APOA5: variants seen among roughly 807,000 people sequenced by gnomAD.
APOA5 encodes the protein apolipoprotein A-V.
A neutral mutation model predicts 31.8 loss-of-function variants in APOA5; 26 were observed. The ratio of observed to expected loss-of-function variants is 0.82; its 90% CI spans 0.60 to 1.13. The LOEUF is 1.13. Ranked by LOEUF, APOA5 falls within the 50% of genes most tolerant of loss-of-function variation. The probability of loss-of-function intolerance (pLI) is 0.00; values close to 1 mark genes in which losing one functional copy is unlikely to be tolerated. For missense variants in APOA5, 450 were observed against 488.0 expected (o/e 0.92, Z 0.73); for synonymous variants, 186 against 198.5 (o/e 0.94, Z 0.53).
chr11:116,789,907 G>A lies in APOA5; in HGVS notation c.*221C>T, dbSNP rs1015868217. On this transcript the variant is annotated 3_prime_UTR_variant, in exon 3 of 3. Coordinates refer to ENST00000227665, the MANE Select transcript of APOA5 (RefSeq NM_001371904.1). ...AGCATTCCCAAATGAGCACTGGGAG[G>A]CTGGGTTTGCAAAGCCTGGTGAATG... 1 of 607,556 alleles carries A rather than the reference G, an allele frequency of 1.6e-6. No individual in the cohort carries two copies. Among genetic ancestry groups the A allele is most frequent in the East Asian group, 2.8e-5 (1 of 35,980 alleles). 37.6% of individuals were successfully genotyped at this position (607,556 alleles called of 1,614,324 possible).
Position 116,790,466 on chromosome 11 carries a change from C to T in APOA5, c.763G>A (p.Glu255Lys), listed in dbSNP as rs746869568. 3.7e-5 allele frequency: 60 copies of T among 1,603,062 alleles called. No homozygotes were observed. Among genetic ancestry groups the T allele is most frequent in the Non-Finnish European group, 5.0e-5 (59 of 1,179,904 alleles). Residue 255 changes from glutamate to lysine, a missense_variant, in exon 3 of 3, where the codon GAA becomes AAA. Physicochemically the swap from Glu to Lys is moderately conservative, Grantham distance 56. Transcript: ENST00000227665. ...CCTGCAAAGGCTCTGCTGAGCTCTT[C>T]GCGCAGCTGGTCCAGGTTCTGCTGG... ...RIQQNLDQLR[E>K]ELSRAFAGTG...
At chr11:116,791,248 T>C in intron 2 of APOA5, 181 bp from the exon 3 acceptor site, 3 of 710,816 alleles carry the variant, frequency 4.2e-6, no homozygotes, top group South Asian at 3.0e-5. Context: ...ACAAACACAT[T>C]GCCCATACAA....
Position 116,790,946 on chromosome 11 carries a change from G to A in APOA5, c.283C>T (p.Gln95Ter), listed in dbSNP as rs756437615. The part of the protein sequence containing the change: ...LPQDPVGMRR[Q>*]LQEELEEVKA... Reference sequence around the variant, plus strand: ...ACCTCCTCCAACTCCTCCTGCAGCTGCCGCCGCATGCCCACCGGGTCCTGT... The same window carrying A: ...ACCTCCTCCAACTCCTCCTGCAGCTACCGCCGCATGCCCACCGGGTCCTGT... The change falls in exon 3 of 3, where the codon CAG becomes TAG. Residue 95 changes from glutamine to a stop codon, truncating the protein, a stop_gained. Transcript: ENST00000227665. LOFTEE classifies it high-confidence loss of function. 15 of 1,613,172 alleles carry A rather than the reference G, an allele frequency of 9.3e-6. No individual in the cohort carries two copies. Among genetic ancestry groups the A allele is most frequent in the Non-Finnish European group, 1.3e-5 (15 of 1,180,004 alleles).
At chr11:116,791,902 GGAA>G (rs1941021434), upstream of APOA5, 2 of 1,610,410 alleles carry the variant, frequency 1.2e-6, no homozygotes, top group Non-Finnish European at 8.5e-7. Flanking sequence ...CCTGGTTAGG[GGAA>G]GAAGGAGACG....
upstream of APOA5, among the ~76,000 whole-genome samples, chr11:116,792,072 A>G (rs568643222): frequency 2.6e-5 from 4 of 152,188 alleles, no homozygotes; most frequent in African/African-American, 9.7e-5. Context: ...TTCCTCAGAC[A>G]TGGGAAGAGG....
Position 116,790,758 on chromosome 11 carries a change from G to A in APOA5, c.471C>T (p.Asp157=), listed in dbSNP as rs1940993392. ...CGCCCCCCAGCAACTGGGCCTTGGTGTCTTCCCCCACCACGCGCAACTGCT... is the reference window on the plus strand; with the variant it reads ...CGCCCCCCAGCAACTGGGCCTTGGTATCTTCCCCCACCACGCGCAACTGCT... ...LQEQLRVVGE[D]TKAQLLGGVD... Residue 157 remains aspartate (D), a synonymous_variant, in exon 3 of 3, where the codon GAC becomes GAT. Coordinates refer to ENST00000227665, the MANE Select transcript of APOA5 (RefSeq NM_001371904.1). 2 of 1,613,186 alleles carry A rather than the reference G, an allele frequency of 1.2e-6. No homozygotes were observed. The highest frequency in any genetic ancestry group is 1.7e-6 in the Non-Finnish European group (2 of 1,179,996).
In APOA5 at chr11:116,789,930, A is replaced by G. The variant is rs1940962196; in HGVS notation, c.*198T>C. The G allele has an allele frequency of 1.6e-6, 1 of 629,300 alleles. No individual in the cohort carries two copies. The highest frequency in any genetic ancestry group is 2.8e-6 in the Non-Finnish European group (1 of 355,180). The allele number at this position is 629,300 out of a possible 1,614,324, so 39.0% of individuals were successfully genotyped here. ...AGGCTGGGTTTGCAAAGCCTGGTGA[A>G]TGTAATGCATCCAGATTGGGGAGTC... On this transcript the variant is annotated 3_prime_UTR_variant, in exon 3 of 3. Coordinates refer to ENST00000227665, the MANE Select transcript of APOA5 (RefSeq NM_001371904.1).
rs971817633 is a variant in APOA5, at chr11:116,790,071, C to T, written c.*57G>A. On this transcript the variant is annotated 3_prime_UTR_variant, in exon 3 of 3. Coordinates refer to ENST00000227665, the MANE Select transcript of APOA5 (RefSeq NM_001371904.1). ...TTCAAGGACTGAACCATGCTAGAGG[C>T]TCAGAGCCAAGGCTCCCCAGACAAG... 1.3e-6 allele frequency: 2 copies of T among 1,571,190 alleles called. No individual in the cohort carries two copies. The highest frequency in any genetic ancestry group is 2.7e-5 in the African/African-American group (2 of 73,884).
chr11:116,791,781 C>A, intron 1 of APOA5, 31 bp downstream of exon 1: 6 of 1,614,202 alleles, frequency 3.7e-6, no homozygotes, highest in Admixed American at 1.7e-5. Flanking sequence ...CCACCCACAC[C>A]CCCACGTTGA....
At chr11:116,791,450 C>T in intron 2 of APOA5, 136 bp downstream of exon 2, 1 of 974,690 alleles carries the variant, frequency 1.0e-6, no homozygotes, top group Non-Finnish European at 1.6e-6. Context: ...TGGCCGGGAT[C>T]TGCAGACAGA....
At chr11:116,791,415 G>A in intron 2 of APOA5, 171 bp downstream of exon 2, 1 of 782,384 alleles carries the variant, frequency 1.3e-6, no homozygotes, top group Non-Finnish European at 2.2e-6. Flanking sequence ...GGGGCTGCAG[G>A]CAGAGGGCGC....
chr11:116,789,963 GCT>G lies in APOA5; in HGVS notation c.*163_*164del, dbSNP rs1940963840. The G allele has an allele frequency of 1.4e-6, 1 of 704,752 alleles. No homozygotes were observed. The highest frequency in any genetic ancestry group is 2.4e-6 in the Non-Finnish European group (1 of 410,018). The allele number at this position is 704,752 out of a possible 1,614,324, so 43.7% of individuals were successfully genotyped here. A position where few individuals can be genotyped will look rare whatever the true frequency, so the allele number is the denominator to read the frequency against. On this transcript the variant is annotated 3_prime_UTR_variant, in exon 3 of 3. Coordinates refer to ENST00000227665, the MANE Select transcript of APOA5 (RefSeq NM_001371904.1). The stretch of plus-strand genomic sequence containing the variant: ...CATCCAGATTGGGGAGTCGCAGGAG[GCT>G]GGATGTGCAGGAGACAGCAGCCCCT...
In APOA5 at chr11:116,790,257, G is replaced by C. The variant is rs1238052508; in HGVS notation, c.972C>G (p.Phe324Leu). The change falls in exon 3 of 3, where the codon TTC (phenylalanine) becomes TTG (leucine). Residue 324 changes from phenylalanine (F) to leucine (L), a missense_variant. Coordinates refer to ENST00000227665, the MANE Select transcript of APOA5 (RefSeq NM_001371904.1). The part of the protein sequence containing the change: ...LAPPPPGHSA[F>L]APEFQQTDSG... Reference sequence around the variant, plus strand: ...TGTCTGTTTGTTGAAACTCTGGGGCGAAGGCACTGTGGCCTGGTGGAGGTG... The same window carrying C: ...TGTCTGTTTGTTGAAACTCTGGGGCCAAGGCACTGTGGCCTGGTGGAGGTG... 7 of 1,614,262 alleles carry C rather than the reference G, an allele frequency of 4.3e-6. No homozygotes were observed. Among genetic ancestry groups the C allele is most frequent in the Non-Finnish European group, 5.9e-6 (7 of 1,180,040 alleles).
rs772266582 is a variant in APOA5 at position 116,790,964 on chromosome 11, G to A, written c.265C>T (p.Pro89Ser). 1 of 1,613,084 alleles carries A rather than the reference G, an allele frequency of 6.2e-7. No individual in the cohort carries two copies. ...GSEAPRLPQD[P>S]VGMRRQLQEE... ...TGCAGCTGCCGCCGCATGCCCACCGGGTCCTGTGGGAGCCGAGGAGCCTCG... is the reference window on the plus strand; with the variant it reads ...TGCAGCTGCCGCCGCATGCCCACCGAGTCCTGTGGGAGCCGAGGAGCCTCG... Residue 89 changes from proline (P) to serine (S), a missense_variant, in exon 3 of 3, where the codon CCG (proline) becomes TCG (serine). Physicochemically the swap from Pro to Ser is moderately conservative, Grantham distance 74. Transcript: ENST00000227665.
upstream of APOA5, chr11:116,792,249 G>A (rs1454864349): frequency 1.2e-5 from 4 of 335,822 alleles, no homozygotes; most frequent in Non-Finnish European, 1.1e-5. Context: ...GCCATAATGA[G>A]GGCGAAGAGG....
chr11:116,791,201 G>A (rs1941004812), intron 2 of APOA5, 134 bp from the exon 3 acceptor site: 1 of 807,024 alleles, frequency 1.2e-6, no homozygotes, highest in Non-Finnish European at 2.1e-6. Flanking sequence ...GAGGGCTCTT[G>A]TCCTAGCCCT....
Position 116,791,593 on chromosome 11 carries a change from C to A in APOA5, c.154G>T (p.Glu52Ter). 6.3e-7 allele frequency: 1 copy of A among 1,599,474 alleles called. No individual in the cohort carries two copies. The highest frequency in any genetic ancestry group is 8.5e-7 in the Non-Finnish European group (1 of 1,173,528). The change falls in exon 2 of 3, where the codon GAG becomes TAG. Residue 52 changes from glutamate to a stop codon, truncating the protein, a stop_gained. Coordinates refer to ENST00000227665, the MANE Select transcript of APOA5 (RefSeq NM_001371904.1). LOFTEE classifies it high-confidence loss of function. ...EQIHQQKMAR[E>*]PATLKDSLEQ... The stretch of plus-strand genomic sequence containing the variant: ...CTTCCCCTGGGCACTCACGCGGGCT[C>A]GCGAGCCATCTTCTGCTGATGGATC...
At chr11:116,791,444 C>G (rs1034339567) in intron 2 of APOA5, 142 bp downstream of exon 2, 1 of 937,862 alleles carries the variant, frequency 1.1e-6, no homozygotes, top group Admixed American at 2.0e-5. Flanking sequence ...CCAGGATGGC[C>G]GGGATCTGCA....
rs772118863 is a variant in APOA5 at position 116,790,310 on chromosome 11, T to C, written c.919A>G (p.Thr307Ala). Residue 307 changes from threonine (T) to alanine (A), a missense_variant, in exon 3 of 3, where the codon ACT becomes GCT. Physicochemically the swap from Thr to Ala is moderately conservative, Grantham distance 58. Coordinates refer to ENST00000227665, the MANE Select transcript of APOA5 (RefSeq NM_001371904.1). ...GCCAGCTGCTGCTGGACCTCCTCAG[T>C]CTCCTGGTCGATGGCGCGAGTGAAG... ...AAFTRAIDQE[T>A]EEVQQQLAPP... 6.2e-6 allele frequency: 10 copies of C among 1,614,106 alleles called. No homozygotes were observed. Among genetic ancestry groups the C allele is most frequent in the Non-Finnish European group, 8.5e-6 (10 of 1,180,042 alleles).
Sources: gnomAD v4.1 joint callset for allele counts (sites outside exome capture counted in the v4.1 genomes callset) on GRCh38, gnomAD v4.1.1 for gene constraint, MANE v1.5 for transcripts, NCBI Gene and HGNC (gene_info 2026-07-23, HGNC 2026-07-21) for gene names.